PTPRM: variants seen among roughly 807,000 people sequenced by gnomAD.
PTPRM encodes the protein receptor-type tyrosine-protein phosphatase mu.
Under a neutral mutation model 186.7 loss-of-function variants are expected in PTPRM, and 47 were observed. That is an observed-to-expected ratio of 0.25 (90% confidence interval 0.20 to 0.32). PTPRM has a LOEUF of 0.32. Among genes scored for constraint, PTPRM ranks in the 10% least tolerant of loss-of-function variants. PTPRM has a pLI of 1.00. For missense variants in PTPRM, 1,494 were observed against 1,865.0 expected, an observed-to-expected ratio of 0.80 and a Z score of 3.66; for synonymous variants, 668 against 674.9, an observed-to-expected ratio of 0.99 and a Z score of 0.16.
chr18:8,306,999 G>A (rs533492578), intron 20 of PTPRM, among the ~76,000 whole-genome samples: 1 of 152,244 alleles, frequency 6.6e-6, no homozygotes, highest in South Asian at 2.1e-4. Flanking sequence ...TATGGTGAGG[G>A]GCATCCATAT....
chr18:7,849,207 G>A (rs1369145292), intron 2 of PTPRM, among the ~76,000 whole-genome samples: 2 of 152,190 alleles, frequency 1.3e-5, no homozygotes, highest in East Asian at 1.9e-4. Flanking sequence ...TTCACTTTGG[G>A]TTAAATTCCT....
intron 13 of PTPRM, among the ~76,000 whole-genome samples, chr18:8,115,254 T>C (rs571223038): frequency 9.5e-4 from 144 of 152,292 alleles, no homozygotes; most frequent in African/African-American, 3.4e-3. Context: ...CAGTAGAAAG[T>C]GGAGTCTACG....
Position 7,963,071 on chromosome 18 carries a change from A to G in PTPRM, c.1132+7657A>G, listed in dbSNP as rs2053788925. On this transcript the variant is annotated intron_variant, in intron 7 of 32. Coordinates refer to ENST00000580170, the MANE Select transcript of PTPRM (RefSeq NM_001105244.2). ...GGCAACATGTTTTAATGAATTTTCA[A>G]TACATGAAGCCATTAAAAACCTTTT... 1.3e-5 allele frequency among the ~76,000 whole-genome samples: 2 copies of G among 152,292 alleles called. 1 individual carries two copies. Among genetic ancestry groups the G allele is most frequent in the South Asian group, 4.1e-4 (2 of 4,838 alleles).
intron 1 of PTPRM, among the ~76,000 whole-genome samples, chr18:7,579,208 G>A (rs1171572682): frequency 1.3e-5 from 2 of 152,276 alleles, no homozygotes; most frequent in South Asian, 2.1e-4. Context: ...GCCATGGAAG[G>A]CCCTGCATCC....
At chr18:8,088,207 A>G (rs558557020) in intron 10 of PTPRM, among the ~76,000 whole-genome samples, 2 of 152,276 alleles carry the variant, frequency 1.3e-5, no homozygotes, top group South Asian at 4.1e-4. Context: ...TTCCACTGTC[A>G]TGCTTTTCTG....
chr18:7,750,838 G>A (rs973287428), intron 1 of PTPRM, among the ~76,000 whole-genome samples: 6 of 152,126 alleles, frequency 3.9e-5, no homozygotes, highest in Non-Finnish European at 7.4e-5. Context: ...AACATCCAGA[G>A]TTGAGCATCA....
chr18:8,221,146 G>A (rs2094148803), intron 14 of PTPRM, among the ~76,000 whole-genome samples: 1 of 152,072 alleles, frequency 6.6e-6, no homozygotes, highest in African/African-American at 2.4e-5. Context: ...GGAGGGATTT[G>A]TCAAGGAAGA....
chr18:8,312,571 T>C (rs2095277280), intron 20 of PTPRM, among the ~76,000 whole-genome samples: 1 of 152,124 alleles, frequency 6.6e-6, no homozygotes, highest in Non-Finnish European at 1.5e-5. Flanking sequence ...ATGATCTCTT[T>C]ATGTGTATTA....
intron 1 of PTPRM, among the ~76,000 whole-genome samples, chr18:7,593,825 A>G (rs2037185826): frequency 6.6e-6 from 1 of 152,232 alleles, no homozygotes; most frequent in African/African-American, 2.4e-5. Flanking sequence ...CCTACCCTGC[A>G]CATTGTAAAT....
At chr18:7,783,139 G>A (rs2042935443) in intron 2 of PTPRM, among the ~76,000 whole-genome samples, 2 of 152,202 alleles carry the variant, frequency 1.3e-5, no homozygotes, top group South Asian at 2.1e-4. Context: ...CATGACAGAT[G>A]TTGTACATCT....
At chr18:7,787,435 T>C (rs1223004638) in intron 2 of PTPRM, among the ~76,000 whole-genome samples, 1 of 152,198 alleles carries the variant, frequency 6.6e-6, no homozygotes, top group Non-Finnish European at 1.5e-5. Context: ...TTGACTTAGA[T>C]GTTACTGCAC....
At chr18:8,239,215 A>C (rs1020004564) in intron 14 of PTPRM, among the ~76,000 whole-genome samples, 1 of 129,210 alleles carries the variant, frequency 7.7e-6, no homozygotes, top group Non-Finnish European at 1.5e-5. Context: ...CTCATTGTTC[A>C]TTTCCCACCT....
At chr18:8,082,806 C>T (rs2090206930) in intron 9 of PTPRM, among the ~76,000 whole-genome samples, 1 of 152,032 alleles carries the variant, frequency 6.6e-6, no homozygotes, top group South Asian at 2.1e-4. Context: ...ATCACAGCTT[C>T]ATGTCATACA....
At chr18:8,146,259 T>C in intron 14 of PTPRM, among the ~76,000 whole-genome samples, 1 of 152,102 alleles carries the variant, frequency 6.6e-6, no homozygotes, top group East Asian at 1.9e-4. Context: ...CCCAATCTTG[T>C]GATCCGCCTG....
At chr18:8,361,936 C>T (rs901985292) in intron 23 of PTPRM, among the ~76,000 whole-genome samples, 3 of 152,252 alleles carry the variant, frequency 2.0e-5, no homozygotes, top group African/African-American at 4.8e-5. Context: ...AAAAGAATAT[C>T]GTGTGTGTGT....
chr18:8,360,373 C>A (rs1156514609), intron 23 of PTPRM, among the ~76,000 whole-genome samples: 2 of 149,004 alleles, frequency 1.3e-5, no homozygotes, highest in African/African-American at 5.0e-5. Flanking sequence ...CGGGTCTGGA[C>A]ACACCTCTGC....
chr18:7,649,915 A>G (rs2038656805), intron 1 of PTPRM, among the ~76,000 whole-genome samples: 1 of 152,050 alleles, frequency 6.6e-6, no homozygotes. Context: ...GCAATAACAT[A>G]TTTTTAAATT....
chr18:7,684,862 C>T (rs1159982002), intron 1 of PTPRM, among the ~76,000 whole-genome samples: 1 of 152,106 alleles, frequency 6.6e-6, no homozygotes, highest in African/African-American at 2.4e-5. Context: ...TGGGTAAATA[C>T]ACCTAAGTGG....
In PTPRM at chr18:7,774,796, G is replaced by A. The variant is rs145480266; in HGVS notation, c.196+525G>A. Reference sequence around the variant, plus strand: ...GAAATGTTTAGTGAATTTCTGATGAGTGAAAGATGTGTTCCACTGAACACC... The same window carrying A: ...GAAATGTTTAGTGAATTTCTGATGAATGAAAGATGTGTTCCACTGAACACC... On this transcript the variant is annotated intron_variant, in intron 2 of 32. Coordinates refer to ENST00000580170, the MANE Select transcript of PTPRM (RefSeq NM_001105244.2). Among the ~76,000 whole-genome samples the A allele has an allele frequency of 1.1e-3, 169 of 152,324 alleles. 1 individual carries two copies. In the East Asian group the frequency reaches 0.029, roughly 26 times the overall value.
Sources: allele counts gnomAD v4.1 joint callset (sites outside exome capture counted in the v4.1 genomes callset), GRCh38; gene constraint gnomAD v4.1.1; transcripts MANE v1.5; gene names NCBI Gene and HGNC (gene_info 2026-07-23, HGNC 2026-07-21).